CDKAL1: variants seen among roughly 807,000 people sequenced by gnomAD.
The protein encoded by CDKAL1 is threonylcarbamoyladenosine tRNA methylthiotransferase.
CDKAL1 carries 32 observed loss-of-function variants against 68.2 expected under a neutral mutation model. That is an observed-to-expected ratio of 0.47 (90% CI 0.35 to 0.63). The LOEUF (loss-of-function observed/expected upper bound fraction) is 0.63, where lower values mean the gene tolerates loss of function less well. Ranked by LOEUF, CDKAL1 falls within the 30% of genes least tolerant of loss-of-function variation. The pLI is 0.00. For synonymous variants in CDKAL1, 234 were observed against 244.3 expected (o/e 0.96, Z 0.39); for missense variants, 606 against 696.7 (o/e 0.87, Z 1.47).
chr6:20,828,995 C>A (rs1730225321), intron 8 of CDKAL1, among the ~76,000 whole-genome samples: 1 of 152,118 alleles, frequency 6.6e-6, no homozygotes, highest in African/African-American at 2.4e-5. Flanking sequence ...CAAGATTTAT[C>A]CATTGTGTAA....
At chr6:20,915,405 A>G (rs1175957169) in intron 9 of CDKAL1, among the ~76,000 whole-genome samples, 1 of 152,186 alleles carries the variant, frequency 6.6e-6, no homozygotes, top group African/African-American at 2.4e-5. Flanking sequence ...AAATTTCACC[A>G]GGAGTCATTG....
chr6:20,690,306 T>C (rs1770814200), intron 5 of CDKAL1, among the ~76,000 whole-genome samples: 1 of 152,240 alleles, frequency 6.6e-6, no homozygotes, highest in Admixed American at 6.5e-5. Context: ...AGTATAAATG[T>C]ATTATAACTG....
chr6:20,961,145 T>C (rs1765036611), intron 10 of CDKAL1, among the ~76,000 whole-genome samples: 1 of 152,188 alleles, frequency 6.6e-6, no homozygotes, highest in Admixed American at 6.5e-5. Context: ...CATGCATATG[T>C]TCATTGCAGC....
intron 11 of CDKAL1, among the ~76,000 whole-genome samples, chr6:21,016,821 C>T (rs1768366539): frequency 6.6e-6 from 1 of 152,170 alleles, no homozygotes; most frequent in Non-Finnish European, 1.5e-5. Flanking sequence ...TTCTTCATGC[C>T]CACCATCACT....
At chr6:20,595,061 C>T (rs554037647) in intron 4 of CDKAL1, among the ~76,000 whole-genome samples, 13 of 152,258 alleles carry the variant, frequency 8.5e-5, no homozygotes, top group African/African-American at 3.1e-4. Flanking sequence ...GATGGGCTTC[C>T]CTTTGTGGGT....
At chr6:21,213,940 A>G (rs1403882463) in intron 15 of CDKAL1, among the ~76,000 whole-genome samples, 1 of 152,252 alleles carries the variant, frequency 6.6e-6, no homozygotes, top group Non-Finnish European at 1.5e-5. Flanking sequence ...ATCTATCAAC[A>G]GATGAATGGA....
intron 9 of CDKAL1, among the ~76,000 whole-genome samples, chr6:20,895,896 GATAAA>G (rs901589911): frequency 6.6e-6 from 1 of 151,872 alleles, no homozygotes; most frequent in African/African-American, 2.4e-5. Context: ...TGGCCCTTTT[GATAAA>G]TATCTTATTT....
At chr6:21,150,547 A>G (rs1467281097) in intron 13 of CDKAL1, among the ~76,000 whole-genome samples, 1 of 152,248 alleles carries the variant, frequency 6.6e-6, no homozygotes, top group Non-Finnish European at 1.5e-5. Context: ...CAAAGCCTCC[A>G]TAAAACTTGC....
At chr6:20,937,082 TTC>T (rs572515024) in intron 9 of CDKAL1, among the ~76,000 whole-genome samples, 215 of 152,304 alleles carry the variant, frequency 1.4e-3, no homozygotes, top group Non-Finnish European at 2.9e-3. Context: ...AGTGTTTTTT[TTC>T]TCTCTTTCTT....
intron 9 of CDKAL1, among the ~76,000 whole-genome samples, chr6:20,901,187 T>C (rs1017346446): frequency 2.0e-5 from 3 of 152,172 alleles, no homozygotes; most frequent in Non-Finnish European, 4.4e-5. Context: ...CTTTCGGTGA[T>C]GTACATATAT....
intron 9 of CDKAL1, among the ~76,000 whole-genome samples, chr6:20,938,972 C>G (rs188822920): frequency 6.6e-6 from 1 of 152,264 alleles, no homozygotes; most frequent in East Asian, 1.9e-4. Context: ...GTCCCCTCCT[C>G]CTTTTCCTCC....
chr6:21,047,697 A>G (rs532364206), intron 11 of CDKAL1, among the ~76,000 whole-genome samples: 30 of 152,332 alleles, frequency 2.0e-4, no homozygotes, highest in African/African-American at 7.0e-4. Flanking sequence ...GCATAAGGCA[A>G]GAAAACAGAT....
intron 10 of CDKAL1, among the ~76,000 whole-genome samples, chr6:20,991,002 A>C (rs1766760226): frequency 6.6e-6 from 1 of 152,366 alleles, no homozygotes; most frequent in South Asian, 2.1e-4. Context: ...TAAACAAGAT[A>C]TACCTGTGGG....
chr6:20,739,550 C>T lies in CDKAL1; in HGVS notation c.403C>T (p.Leu135=), dbSNP rs1773352484. The T allele has an allele frequency of 6.2e-7, 1 of 1,612,520 alleles. No homozygotes were observed. Among genetic ancestry groups the T allele is most frequent in the Non-Finnish European group, 8.5e-7 (1 of 1,179,126 alleles). ...TCAAGAGGAGAACAAGAAAATCGTA[C>T]TGGCTGGATGCGTTCCTCAAGCCCA... ...KAQEENKKIV[L]AGCVPQAQPR... The change falls in exon 6 of 16, where the codon CTG becomes TTG. Residue 135 remains leucine, a synonymous_variant. Coordinates refer to ENST00000274695, the MANE Select transcript of CDKAL1 (RefSeq NM_017774.3).
intron 13 of CDKAL1, among the ~76,000 whole-genome samples, chr6:21,142,657 A>G (rs553222645): frequency 6.6e-6 from 1 of 152,356 alleles, no homozygotes; most frequent in African/African-American, 2.4e-5. Flanking sequence ...GTTGTTGACA[A>G]TTTGAACCAA....
intron 5 of CDKAL1, among the ~76,000 whole-genome samples, chr6:20,692,350 C>T (rs1447486327): frequency 6.6e-6 from 1 of 152,234 alleles, no homozygotes; most frequent in Admixed American, 6.5e-5. Flanking sequence ...TTTTAGTCAG[C>T]TTTCTGTTGG....
intron 6 of CDKAL1, among the ~76,000 whole-genome samples, chr6:20,748,441 TC>T (rs891204941): frequency 6.6e-6 from 1 of 151,412 alleles, no homozygotes; most frequent in African/African-American, 2.4e-5. Flanking sequence ...GTCGAGGAGT[TC>T]CAGGCTGTGG....
intron 12 of CDKAL1, among the ~76,000 whole-genome samples, chr6:21,083,698 G>A (rs1285077571): frequency 6.6e-6 from 1 of 152,194 alleles, no homozygotes; most frequent in African/African-American, 2.4e-5. Flanking sequence ...CAATAGAGGA[G>A]TCAGTCTAGG....
rs71559677 is a variant in CDKAL1, at chr6:20,613,249, C to CTTTTTTTTTTTTTTTT, written c.287-36016_287-36001dup. Among the ~76,000 whole-genome samples, 5 of 77,866 alleles carry CTTTTTTTTTTTTTTTT rather than the reference C, an allele frequency of 6.4e-5. 1 individual carries two copies. The highest frequency in any genetic ancestry group is 4.2e-4 in the South Asian group (1 of 2,390). 51.1% of individuals were successfully genotyped at this position (77,866 alleles called of 152,430 possible). ...TATCAGTTCATCACAAAATTTCTTT[C>CTTTTTTTTTTTTTTTT]TTTTTTTTTTTTTTTTTTTTTTTTT... On this transcript the variant is annotated intron_variant, in intron 4 of 15. Transcript: ENST00000274695.
Sources: allele counts gnomAD v4.1 joint callset (sites outside exome capture counted in the v4.1 genomes callset), GRCh38; gene constraint gnomAD v4.1.1; transcripts MANE v1.5; gene names NCBI Gene and HGNC (gene_info 2026-07-23, HGNC 2026-07-21).